Variants in PPFIA3 observed in about 807,000 individuals in gnomAD.
PPFIA3 encodes the protein liprin-alpha-3.
PPFIA3 carries 26 observed loss-of-function variants against 145.8 expected under a neutral mutation model. The observed-to-expected ratio is 0.18, with a 90% CI of 0.13 to 0.25. The LOEUF (loss-of-function observed/expected upper bound fraction) is 0.25, where lower values mean the gene tolerates loss of function less well. Among genes scored for constraint, PPFIA3 ranks in the 10% least tolerant of loss-of-function variants. The pLI is 1.00. For synonymous variants in PPFIA3, 645 were observed against 661.4 expected, an observed-to-expected ratio of 0.98 and a Z score of 0.38; for missense variants, 1,008 against 1,587.8, an observed-to-expected ratio of 0.63 and a Z score of 6.21.
intron 11 of PPFIA3, 112 bp from the exon 12 acceptor site, chr19:49,134,527 C>G (rs529101808): frequency 1.0e-6 from 1 of 994,532 alleles, no homozygotes; most frequent in Admixed American, 1.8e-5. Flanking sequence ...TTGTGTCCAT[C>G]TCATTCCTCC....
intron 22 of PPFIA3, 46 bp downstream of exon 22, chr19:49,146,051 T>TTGGGGG: frequency 1.2e-6 from 2 of 1,605,266 alleles, no homozygotes; most frequent in South Asian, 1.1e-5. Context: ...CTAACCTTCT[T>TTGGGGG]TGGGGGTGGG....
intron 7 of PPFIA3, among the ~76,000 whole-genome samples, chr19:49,132,290 G>A (rs911604254): frequency 6.8e-6 from 1 of 147,174 alleles, no homozygotes; most frequent in African/African-American, 2.5e-5. Context: ...TTGAGAGGTT[G>A]AGGCAGGAGA....
chr19:49,150,577 G>C lies in PPFIA3; in HGVS notation c.*355G>C, dbSNP rs2041336705. The stretch of plus-strand genomic sequence containing the variant: ...GGGGCTTCCCTCCCGGGCCGCATGC[G>C]GGGAGAGGCTGCTCCCTCCCCTTTT... On this transcript the variant is annotated 3_prime_UTR_variant, in exon 30 of 30. Transcript: ENST00000334186. 1 of 156,770 alleles carries C rather than the reference G, an allele frequency of 6.4e-6. No homozygotes were observed. Among genetic ancestry groups the C allele is most frequent in the Non-Finnish European group, 1.4e-5 (1 of 70,844 alleles). The allele number at this position is 156,770 out of a possible 1,614,324, so 9.7% of individuals were successfully genotyped here.
chr19:49,149,863 G>A lies in PPFIA3; in HGVS notation c.3526+145G>A. ...CTGCTCCAACGTTCCGGACTCCCCC[G>A]TCAGGATGAAATGGATAAATCCCAC... On this transcript the variant is annotated intron_variant, in intron 28 of 29. Transcript: ENST00000334186. The surrounding 1 kb of genome is among the most constrained non-coding windows in gnomAD (Gnocchi z 5.7). 1.7e-6 allele frequency: 2 copies of A among 1,193,786 alleles called. No homozygotes were observed. The highest frequency in any genetic ancestry group is 2.6e-5 in the East Asian group (1 of 39,202). The allele number at this position is 1,193,786 out of a possible 1,614,324, so 73.9% of individuals were successfully genotyped here.
At chr19:49,148,580 G>A in intron 24 of PPFIA3, 86 bp from the exon 25 acceptor site, 1 of 1,080,540 alleles carries the variant, frequency 9.3e-7, no homozygotes, top group Non-Finnish European at 1.4e-6. Context: ...TCCAAGAAGA[G>A]CGCAGCCAGT....
At position 49,129,985 on chromosome 19, in the gene PPFIA3, A is replaced by T; in HGVS notation, c.583-8A>T. 5 of 1,613,260 alleles carry T rather than the reference A, an allele frequency of 3.1e-6. No homozygotes were observed. Among genetic ancestry groups the T allele is most frequent in the Middle Eastern group, 3.3e-4 (2 of 6,034 alleles). ...CCCTGTGCTCTGATTCCCCTTTCAC[A>T]CTTCCAGACTCTGAACCTTCGAGAA... On this transcript the variant is annotated splice_polypyrimidine_tract_variant and splice_region_variant and intron_variant, in intron 5 of 29. Coordinates refer to ENST00000334186, the MANE Select transcript of PPFIA3 (RefSeq NM_003660.4).
rs2040907385 is a variant in PPFIA3 at position 49,119,653 on chromosome 19, C to G, written c.-85C>G. 6.8e-6 allele frequency: 1 copy of G among 148,038 alleles called. No homozygotes were observed. The highest frequency in any genetic ancestry group is 2.5e-5 in the African/African-American group (1 of 39,878). 9.2% of individuals were successfully genotyped at this position (148,038 alleles called of 1,614,324 possible). A position where few individuals can be genotyped will look rare whatever the true frequency, so the allele number is the denominator to read the frequency against. On this transcript the variant is annotated 5_prime_UTR_variant, in exon 1 of 30. Transcript: ENST00000334186. ...CCCGGCCGCTGCCAGGGGCCCCGCC[C>G]GGCCCCCCCACTCCACCCCACGTCC...
At chr19:49,143,857 C>G (rs745699900) in intron 21 of PPFIA3, among the ~76,000 whole-genome samples, 2 of 151,938 alleles carry the variant, frequency 1.3e-5, no homozygotes, top group Admixed American at 6.6e-5. Flanking sequence ...TTTAGAATTT[C>G]TGATTTTAAA....
rs1185277016 is a variant in PPFIA3, at chr19:49,134,241, T to C, written c.1377+76T>C. On this transcript the variant is annotated intron_variant, in intron 11 of 29. Transcript: ENST00000334186. ...TGCTGGAATCCTGGGGCCCCAGGCC[T>C]TTCCCTCAGATCTGTTATCGGAGGC... 3 of 1,528,184 alleles carry C rather than the reference T, an allele frequency of 2.0e-6. No individual in the cohort carries two copies. The African/African-American group carries it at 4.2e-5, about 21-fold the overall frequency. The allele number at this position is 1,528,184 out of a possible 1,614,324, so 94.7% of individuals were successfully genotyped here.
chr19:49,139,731 A>T lies in PPFIA3; in HGVS notation c.2140A>T (p.Thr714Ser). The T allele has an allele frequency of 6.2e-7, 1 of 1,613,520 alleles. No homozygotes were observed. The highest frequency in any genetic ancestry group is 8.5e-7 in the Non-Finnish European group (1 of 1,179,754). ...GGAGGGGCCGGCCATCCCAGGAGAC[A>T]CCCCACCACCCACTCCCCGCTCTGC... Reference protein sequence around the residue: ...RGEGPAIPGDTPPPTPRSARL... With the variant: ...RGEGPAIPGDSPPPTPRSARL... The change falls in exon 17 of 30, where the codon ACC becomes TCC. Residue 714 changes from threonine (T) to serine (S), a missense_variant. By Grantham distance (58) the Thr-to-Ser change is moderately conservative. Coordinates refer to ENST00000334186, the MANE Select transcript of PPFIA3 (RefSeq NM_003660.4).
chr19:49,121,720 G>C (rs62127932), intron 1 of PPFIA3, among the ~76,000 whole-genome samples: 45,202 of 151,888 alleles, frequency 0.3, 7,056 homozygotes, highest in African/African-American at 0.35. Context: ...AGGTTGCATT[G>C]AGCTGAGATC....
Position 49,130,083 on chromosome 19 carries a change from C to G in PPFIA3, c.657+16C>G. ...GGATGGGCAGGTGAGACATGGAAGTCCCCTCTCCGTGAGCTCCATTCAACT... is the reference window on the plus strand; with the variant it reads ...GGATGGGCAGGTGAGACATGGAAGTGCCCTCTCCGTGAGCTCCATTCAACT... On this transcript the variant is annotated intron_variant, in intron 6 of 29. Transcript: ENST00000334186. This position sits in a 1 kb window ranked among gnomAD's most constrained non-coding sequence, Gnocchi z 4.5. The G allele has an allele frequency of 6.2e-7, 1 of 1,605,428 alleles. No individual in the cohort carries two copies. The highest frequency in any genetic ancestry group is 8.5e-7 in the Non-Finnish European group (1 of 1,176,414).
chr19:49,138,531 C>A, intron 16 of PPFIA3, 104 bp downstream of exon 16: 1 of 976,890 alleles, frequency 1.0e-6, no homozygotes, highest in Non-Finnish European at 1.4e-6. Flanking sequence ...CAGTGGTTTT[C>A]CAAAGCAACC....
chr19:49,134,656 G>C lies in PPFIA3; in HGVS notation c.1395G>C (p.Glu465Asp), dbSNP rs1221126733. ...CTCCACAGAACTCCCTGAGCGAGGA[G>C]ATAGCCAACATGAAGAAGCTTCAGG... is the stretch of plus-strand genomic sequence containing the variant. ...ALEEKNSLSE[E>D]IANMKKLQDE... The change falls in exon 12 of 30, where the codon GAG becomes GAC. Residue 465 changes from glutamate (E) to aspartate (D), a missense_variant. Coordinates refer to ENST00000334186, the MANE Select transcript of PPFIA3 (RefSeq NM_003660.4). The C allele has an allele frequency of 2.5e-6, 4 of 1,613,822 alleles. No individual in the cohort carries two copies. Among genetic ancestry groups the C allele is most frequent in the Non-Finnish European group, 3.4e-6 (4 of 1,180,022 alleles).
In PPFIA3 at chr19:49,134,126, G is replaced by A; in HGVS notation, c.1338G>A (p.Gln446=). ...TGAGCGAGTCCAACGAGCGCTTACAGCTTCACCTCAAGGAGCGCATGGGGG... is the reference window on the plus strand; with the variant it reads ...TGAGCGAGTCCAACGAGCGCTTACAACTTCACCTCAAGGAGCGCATGGGGG... The part of the protein sequence containing the change: ...KLLSESNERL[Q]LHLKERMGAL... The change falls in exon 11 of 30, where the codon CAG becomes CAA. Residue 446 remains glutamine, a synonymous_variant. Transcript: ENST00000334186. 3 of 1,613,908 alleles carry A rather than the reference G, an allele frequency of 1.9e-6. No homozygotes were observed. The highest frequency in any genetic ancestry group is 2.5e-6 in the Non-Finnish European group (3 of 1,179,892).
chr19:49,138,520 C>T, intron 16 of PPFIA3, 93 bp downstream of exon 16: 1 of 1,117,594 alleles, frequency 8.9e-7, no homozygotes, highest in Non-Finnish European at 1.2e-6. Flanking sequence ...ACCCCTCACA[C>T]CAGTGGTTTT....
chr19:49,139,787 A>C lies in PPFIA3; in HGVS notation c.2196A>C (p.Ala732=). The part of the protein sequence containing the change: ...ARLERMTQAL[A]LQAGSLEDGG... ...TTGAGAGAATGACCCAGGCCTTGGCACTGCAGGCGGGGTCCCTGGAAGATG... is the reference window on the plus strand; with the variant it reads ...TTGAGAGAATGACCCAGGCCTTGGCCCTGCAGGCGGGGTCCCTGGAAGATG... Residue 732 remains alanine, a synonymous_variant, in exon 17 of 30, where the codon GCA becomes GCC. Coordinates refer to ENST00000334186, the MANE Select transcript of PPFIA3 (RefSeq NM_003660.4). 1 of 1,613,158 alleles carries C rather than the reference A, an allele frequency of 6.2e-7. No homozygotes were observed. Among genetic ancestry groups the C allele is most frequent in the Non-Finnish European group, 8.5e-7 (1 of 1,179,340 alleles).
chr19:49,141,324 C>A, intron 18 of PPFIA3, 96 bp from the exon 19 acceptor site: 2 of 879,768 alleles, frequency 2.3e-6, no homozygotes, highest in Non-Finnish European at 1.9e-6. Flanking sequence ...TCCCTCAGGG[C>A]CTCTGCCTTT....
chr19:49,125,939 T>TTG (rs1555742318), intron 1 of PPFIA3, among the ~76,000 whole-genome samples: 2 of 150,372 alleles, frequency 1.3e-5, no homozygotes, highest in African/African-American at 2.5e-5. Flanking sequence ...TTTTGTTTTT[T>TTG]TTTGTTTGTT....
Sources: gnomAD v4.1 joint callset for allele counts (sites outside exome capture counted in the v4.1 genomes callset) on GRCh38, gnomAD v4.1.1 for gene constraint, Gnocchi (gnomAD v3.1) non-coding constraint, MANE v1.5 for transcripts, NCBI Gene and HGNC (gene_info 2026-07-23, HGNC 2026-07-21) for gene names.